The following RBM46 variants were observed in gnomAD, a reference collection of about 807,000 sequenced individuals.
RBM46 encodes RNA binding motif protein 46.
RBM46 carries 12 observed loss-of-function variants against 43.3 expected under a neutral mutation model. The ratio of observed to expected loss-of-function variants is 0.28; its 90% CI spans 0.18 to 0.45. The LOEUF is 0.45. Among genes scored for constraint, RBM46 ranks in the 20% least tolerant of loss-of-function variants. The pLI is 1.00. For missense variants in RBM46, 412 were observed against 639.1 expected, an observed-to-expected ratio of 0.64 and a Z score of 3.83; for synonymous variants, 205 against 207.6, an observed-to-expected ratio of 0.99 and a Z score of 0.11.
intron 4 of RBM46, among the ~76,000 whole-genome samples, chr4:154,800,940 A>G (rs1276942943): frequency 2.6e-5 from 4 of 151,784 alleles, no homozygotes; most frequent in Non-Finnish European, 5.9e-5. Flanking sequence ...TTGCTTTTAT[A>G]TATTGTTTAG....
At chr4:154,825,741 C>T (rs1056565171) in intron 4 of RBM46, among the ~76,000 whole-genome samples, 3 of 152,162 alleles carry the variant, frequency 2.0e-5, no homozygotes, top group Admixed American at 2.0e-4. Context: ...GCTTGGCTAT[C>T]TGCTTTCTGA....
At chr4:154,803,974 C>T (rs1377912912) in intron 4 of RBM46, among the ~76,000 whole-genome samples, 1 of 152,132 alleles carries the variant, frequency 6.6e-6, no homozygotes, top group East Asian at 1.9e-4. Flanking sequence ...AATGATTCCT[C>T]ACCACATCTG....
chr4:154,789,035 G>A (rs1218010583), intron 1 of RBM46, among the ~76,000 whole-genome samples: 1 of 152,182 alleles, frequency 6.6e-6, no homozygotes, highest in Non-Finnish European at 1.5e-5. Context: ...TGTATCCTGA[G>A]ACTTTGCTGA....
At chr4:154,808,880 T>C (rs1578930678) in intron 4 of RBM46, among the ~76,000 whole-genome samples, 1 of 152,080 alleles carries the variant, frequency 6.6e-6, no homozygotes, top group East Asian at 1.9e-4. Flanking sequence ...ATAGAAATAG[T>C]GATTATACCA....
chr4:154,817,150 G>A (rs1275432110), intron 4 of RBM46, among the ~76,000 whole-genome samples: 1 of 151,882 alleles, frequency 6.6e-6, no homozygotes, highest in African/African-American at 2.4e-5. Flanking sequence ...GTTGGGAAAT[G>A]TTTTAAATTT....
At chr4:154,816,522 A>C (rs966580210) in intron 4 of RBM46, among the ~76,000 whole-genome samples, 1 of 152,104 alleles carries the variant, frequency 6.6e-6, no homozygotes, top group Non-Finnish European at 1.5e-5. Context: ...TTCAGTTTCT[A>C]ATTGTTCCTG....
chr4:154,796,966 T>C lies in RBM46; in HGVS notation c.151+63T>C, dbSNP rs570083127. The stretch of plus-strand genomic sequence containing the variant: ...AACCTCGTCATGTAGATTAGATGTG[T>C]ATCCCCACAAGTATTCCAAACAATA... On this transcript the variant is annotated intron_variant, in intron 2 of 4. Coordinates refer to ENST00000281722, the MANE Select transcript of RBM46 (RefSeq NM_144979.5). The C allele has an allele frequency of 1.5e-4, 215 of 1,391,868 alleles. 2 individuals are homozygous for C. In the Admixed American group the frequency reaches 2.3e-3, roughly 15 times the overall value. The allele number at this position is 1,391,868 out of a possible 1,614,324, so 86.2% of individuals were successfully genotyped here. A position where few individuals can be genotyped will look rare whatever the true frequency, so the allele number is the denominator to read the frequency against.
chr4:154,827,141 G>A, intron 4 of RBM46: 1 of 957,890 alleles, frequency 1.0e-6, no homozygotes, highest in Non-Finnish European at 1.3e-6. Context: ...TGCATAAGAT[G>A]AATGTTTATT....
chr4:154,782,952 A>G (rs948890442), intron 1 of RBM46, among the ~76,000 whole-genome samples: 5 of 152,214 alleles, frequency 3.3e-5, no homozygotes, highest in African/African-American at 9.7e-5. Flanking sequence ...TTTCGTTTCA[A>G]GAATCACCAC....
intron 4 of RBM46, among the ~76,000 whole-genome samples, chr4:154,804,716 T>G (rs1465829450): frequency 6.6e-6 from 1 of 152,104 alleles, no homozygotes; most frequent in Non-Finnish European, 1.5e-5. Flanking sequence ...ATTGGAAAAT[T>G]TTTAAAACAG....
chr4:154,818,668 A>G (rs1356937688), intron 4 of RBM46, among the ~76,000 whole-genome samples: 4 of 146,178 alleles, frequency 2.7e-5, no homozygotes. Context: ...CAAATACTGC[A>G]TTTGTTCATT....
chr4:154,813,297 A>G (rs1051776583), intron 4 of RBM46, among the ~76,000 whole-genome samples: 1 of 152,172 alleles, frequency 6.6e-6, no homozygotes, highest in Non-Finnish European at 1.5e-5. Flanking sequence ...ATATGTCACC[A>G]AAGTAAAAAT....
chr4:154,812,154 T>C (rs1311005763), intron 4 of RBM46, among the ~76,000 whole-genome samples: 1 of 152,136 alleles, frequency 6.6e-6, no homozygotes, highest in Non-Finnish European at 1.5e-5. Context: ...CTGGTTTTTG[T>C]CTAATATTAA....
chr4:154,795,994 C>T (rs1016841540), intron 1 of RBM46, among the ~76,000 whole-genome samples: 3 of 151,982 alleles, frequency 2.0e-5, no homozygotes, highest in Non-Finnish European at 4.4e-5. Context: ...CCAGTCTCTA[C>T]ACACACACAA....
intron 4 of RBM46, among the ~76,000 whole-genome samples, chr4:154,817,995 G>C (rs767082606): frequency 2.0e-5 from 3 of 151,924 alleles, no homozygotes; most frequent in Non-Finnish European, 4.4e-5. Flanking sequence ...ATAATACAAG[G>C]AACTTAGTAC....
chr4:154,813,759 A>G (rs1030513301), intron 4 of RBM46, among the ~76,000 whole-genome samples: 13 of 151,970 alleles, frequency 8.6e-5, no homozygotes, highest in Non-Finnish European at 1.5e-4. Flanking sequence ...TTAGTTTCCT[A>G]AAAATAGGAA....
At chr4:154,792,254 TAATA>T (rs1734132719) in intron 1 of RBM46, among the ~76,000 whole-genome samples, 1 of 151,874 alleles carries the variant, frequency 6.6e-6, no homozygotes, top group African/African-American at 2.4e-5. Context: ...TTACTATAAA[TAATA>T]AATGAGATAA....
At chr4:154,799,684 C>A in intron 4 of RBM46, 120 bp downstream of exon 4, 1 of 627,034 alleles carries the variant, frequency 1.6e-6, no homozygotes, top group Non-Finnish European at 2.4e-6. Flanking sequence ...TAAATTTTAT[C>A]TCAATTTTAT....
In RBM46 at chr4:154,826,649, G is replaced by A. The variant is rs1735977901; in HGVS notation, c.1403-1219G>A. 13 of 637,946 alleles carry A rather than the reference G, an allele frequency of 2.0e-5. No individual in the cohort carries two copies. The Admixed American group carries it at 3.3e-4, about 16-fold the overall frequency. 39.5% of individuals were successfully genotyped at this position (637,946 alleles called of 1,614,324 possible). A position where few individuals can be genotyped will look rare whatever the true frequency, so the allele number is the denominator to read the frequency against. ...AACAGATCGCTTTGTTGATCTTATG[G>A]TACCATTCATAAAAAGGTTATAAAA... On this transcript the variant is annotated intron_variant, in intron 4 of 4. Coordinates refer to ENST00000281722, the MANE Select transcript of RBM46 (RefSeq NM_144979.5).
Sources: allele counts gnomAD v4.1 joint callset (sites outside exome capture counted in the v4.1 genomes callset), GRCh38; gene constraint gnomAD v4.1.1; transcripts MANE v1.5; gene names NCBI Gene and HGNC (gene_info 2026-07-23, HGNC 2026-07-21).